Variants in IMMP2L observed in about 807,000 individuals in gnomAD.
IMMP2L encodes inner mitochondrial membrane peptidase subunit 2, also known as mitochondrial inner membrane protease subunit 2.
A neutral mutation model predicts 19.3 loss-of-function variants in IMMP2L; 18 were observed. The ratio of observed to expected loss-of-function variants is 0.93; its 90% confidence interval spans 0.64 to 1.38. IMMP2L has a LOEUF of 1.38. IMMP2L is among the 40% of genes most tolerant of loss of function. The pLI is 0.00. For synonymous variants in IMMP2L, 76 were observed against 73.0 expected (o/e 1.04, Z -0.21); for missense variants, 233 against 218.2 (o/e 1.07, Z -0.43).
intron 3 of IMMP2L, among the ~76,000 whole-genome samples, chr7:111,165,416 C>G (rs534293353): frequency 7.2e-5 from 11 of 152,008 alleles, no homozygotes; most frequent in African/African-American, 2.7e-4. Flanking sequence ...ACCCTGCTTT[C>G]AATTCTTTTG....
intron 3 of IMMP2L, among the ~76,000 whole-genome samples, chr7:110,990,186 T>C (rs1822305059): frequency 1.3e-5 from 2 of 152,214 alleles, no homozygotes; most frequent in South Asian, 4.1e-4. Flanking sequence ...ATATCCTTAA[T>C]GCTTTGTAAC....
intron 3 of IMMP2L, among the ~76,000 whole-genome samples, chr7:111,214,644 T>G (rs143781279): frequency 2.1e-5 from 3 of 145,918 alleles, no homozygotes; most frequent in Admixed American, 2.0e-4. Context: ...TGAGCCACCA[T>G]GCCTGGCCAA....
At chr7:111,504,610 G>T (rs1344624523) in intron 2 of IMMP2L, among the ~76,000 whole-genome samples, 1 of 152,084 alleles carries the variant, frequency 6.6e-6, no homozygotes, top group Non-Finnish European at 1.5e-5. Context: ...CATGGTACTG[G>T]TACCAAAACA....
intron 3 of IMMP2L, among the ~76,000 whole-genome samples, chr7:110,969,234 T>C (rs1327368429): frequency 6.6e-6 from 1 of 152,124 alleles, no homozygotes; most frequent in Non-Finnish European, 1.5e-5. Context: ...TTGTACATAC[T>C]GCCTCATTTT....
rs1818297030 is a variant in IMMP2L, at chr7:110,955,814, C to T, written c.305+7686G>A. On this transcript the variant is annotated intron_variant, in intron 4 of 5. Coordinates refer to ENST00000405709, the MANE Select transcript of IMMP2L (RefSeq NM_032549.4). ...TATCTCCCTCCTTTCAGGACAGAAACCATCTCTAATTATTAATCTACCAAA... is the reference window on the plus strand; with the variant it reads ...TATCTCCCTCCTTTCAGGACAGAAATCATCTCTAATTATTAATCTACCAAA... 2.0e-5 allele frequency among the ~76,000 whole-genome samples: 3 copies of T among 151,766 alleles called. No homozygotes were observed. In the South Asian group the frequency reaches 6.2e-4, roughly 32 times the overall value.
intron 3 of IMMP2L, among the ~76,000 whole-genome samples, chr7:111,030,007 G>A (rs1827236148): frequency 6.6e-6 from 1 of 152,136 alleles, no homozygotes; most frequent in African/African-American, 2.4e-5. Flanking sequence ...CCAAAACCCA[G>A]TGGTCACAAC....
intron 3 of IMMP2L, among the ~76,000 whole-genome samples, chr7:111,150,249 C>T (rs1028542986): frequency 1.3e-5 from 2 of 152,042 alleles, no homozygotes; most frequent in Admixed American, 6.6e-5. Flanking sequence ...GTCTTGTCAT[C>T]GTATGTTCAA....
intron 5 of IMMP2L, among the ~76,000 whole-genome samples, chr7:110,851,195 T>C (rs895676063): frequency 2.0e-5 from 3 of 152,126 alleles, no homozygotes; most frequent in Non-Finnish European, 4.4e-5. Context: ...ATTCAAAAAT[T>C]GTGAGATTTC....
chr7:111,031,389 T>TGTGC (rs1790799619), intron 3 of IMMP2L, among the ~76,000 whole-genome samples: 1 of 71,556 alleles, frequency 1.4e-5, no homozygotes, highest in African/African-American at 7.5e-5. Context: ...GGGGTGTGTG[T>TGTGC]GTGTGTGTGT....
At chr7:110,890,324 T>A in intron 4 of IMMP2L, among the ~76,000 whole-genome samples, 1 of 152,322 alleles carries the variant, frequency 6.6e-6, no homozygotes, top group South Asian at 2.1e-4. Flanking sequence ...TATTTGAATA[T>A]TGCTATGCTA....
At chr7:111,465,520 A>T (rs1225929892) in intron 3 of IMMP2L, among the ~76,000 whole-genome samples, 1 of 151,398 alleles carries the variant, frequency 6.6e-6, no homozygotes, top group Non-Finnish European at 1.5e-5. Context: ...AAAAAAAAAA[A>T]AAAAATTAAA....
At chr7:111,471,804 T>A (rs1334954905) in intron 3 of IMMP2L, among the ~76,000 whole-genome samples, 1 of 152,040 alleles carries the variant, frequency 6.6e-6, no homozygotes, top group Admixed American at 6.6e-5. Context: ...AAAGGTTCCA[T>A]CACAGCCAGC....
intron 3 of IMMP2L, among the ~76,000 whole-genome samples, chr7:110,990,225 T>C (rs985780686): frequency 2.0e-5 from 3 of 152,148 alleles, no homozygotes; most frequent in African/African-American, 7.2e-5. Context: ...TTCCTCCCAA[T>C]AGCATGAAAA....
At chr7:110,673,791 A>G (rs1792090061) in intron 5 of IMMP2L, among the ~76,000 whole-genome samples, 1 of 152,146 alleles carries the variant, frequency 6.6e-6, no homozygotes, top group African/African-American at 2.4e-5. Flanking sequence ...CACTAACAGT[A>G]TTTTGCTCAA....
At chr7:111,388,437 T>C (rs1029834139) in intron 3 of IMMP2L, among the ~76,000 whole-genome samples, 1 of 152,096 alleles carries the variant, frequency 6.6e-6, no homozygotes, top group African/African-American at 2.4e-5. Flanking sequence ...TGGGAACATA[T>C]ATTTTTAGAT....
In IMMP2L at chr7:111,124,948, G is replaced by A. The variant is rs116387456; in HGVS notation, c.240-161383C>T. The A allele has an allele frequency of 3.0e-3, 3,542 of 1,171,962 alleles. 94 individuals are homozygous for A. The African/African-American group carries it at 0.051, about 17-fold the overall frequency. 72.6% of individuals were successfully genotyped at this position (1,171,962 alleles called of 1,614,324 possible). ...AAAAATGAACAAAAAAAAAAAAAGCGAAAGACTGCAGTTGTGCTAAAAACA... is the reference window on the plus strand; with the variant it reads ...AAAAATGAACAAAAAAAAAAAAAGCAAAAGACTGCAGTTGTGCTAAAAACA... On this transcript the variant is annotated intron_variant, in intron 3 of 5. Coordinates refer to ENST00000405709, the MANE Select transcript of IMMP2L (RefSeq NM_032549.4).
intron 3 of IMMP2L, among the ~76,000 whole-genome samples, chr7:111,105,159 A>C (rs1798405278): frequency 6.6e-6 from 1 of 151,826 alleles, no homozygotes; most frequent in African/African-American, 2.4e-5. Flanking sequence ...TAAAATAACC[A>C]CAAAACCTTT....
chr7:111,304,353 AT>A (rs1404359342), intron 3 of IMMP2L, among the ~76,000 whole-genome samples: 1 of 152,028 alleles, frequency 6.6e-6, no homozygotes, highest in Non-Finnish European at 1.5e-5. Flanking sequence ...TCAACAAAAA[AT>A]ATATGAATGG....
intron 4 of IMMP2L, among the ~76,000 whole-genome samples, chr7:110,935,258 C>G (rs113324648): frequency 2.0e-5 from 3 of 152,040 alleles, no homozygotes; most frequent in Non-Finnish European, 4.4e-5. Flanking sequence ...GCTTATGAAG[C>G]TTAGTTTGGG....
Sources: allele counts gnomAD v4.1 joint callset (sites outside exome capture counted in the v4.1 genomes callset), GRCh38; gene constraint gnomAD v4.1.1; transcripts MANE v1.5; gene names NCBI Gene and HGNC (gene_info 2026-07-23, HGNC 2026-07-21).